CBLL1: variants seen among roughly 807,000 people sequenced by gnomAD.
The protein encoded by CBLL1 is E3 ubiquitin-protein ligase Hakai.
In CBLL1, 4 loss-of-function variants were observed where a neutral mutation model predicts 44.9. The ratio of observed to expected loss-of-function variants is 0.09; its 90% CI spans 0.04 to 0.20. CBLL1 has a LOEUF of 0.20. CBLL1 is among the 10% of genes least tolerant of loss of function. The probability of loss-of-function intolerance (pLI) is 1.00; values close to 1 mark genes in which losing one functional copy is unlikely to be tolerated. For synonymous variants in CBLL1, 235 were observed against 202.2 expected, an observed-to-expected ratio of 1.16 and a Z score of -1.38; for missense variants, 569 against 636.7, an observed-to-expected ratio of 0.89 and a Z score of 1.14.
At position 107,744,280 on chromosome 7, in the gene CBLL1, A is replaced by G. The variant is rs73417978; in HGVS notation, c.13+104A>G. 2.3e-3 allele frequency: 2,929 copies of G among 1,278,452 alleles called. 57 individuals are homozygous for G. The African/African-American group carries it at 0.04, about 18-fold the overall frequency. The allele number at this position is 1,278,452 out of a possible 1,614,324, so 79.2% of individuals were successfully genotyped here. On this transcript the variant is annotated intron_variant, in intron 1 of 5. Transcript: ENST00000440859. ...GGGATTATGCTCGCCCCACAACACTAGGGTGTGGCAGTGAGAAGAAATCTC... is the reference window on the plus strand; with the variant it reads ...GGGATTATGCTCGCCCCACAACACTGGGGTGTGGCAGTGAGAAGAAATCTC...
chr7:107,758,150 G>T lies in CBLL1; in HGVS notation c.448G>T (p.Asp150Tyr). The T allele has an allele frequency of 6.3e-7, 1 of 1,595,814 alleles. No individual in the cohort carries two copies. Among genetic ancestry groups the T allele is most frequent in the South Asian group, 1.1e-5 (1 of 89,610 alleles). Reference protein sequence around the residue: ...KGDKMCPGCSDPVQRIEQCTR... With the variant: ...KGDKMCPGCSYPVQRIEQCTR... ...CTTTCCCTTCTAATTTAGCTGTAGT[G>T]ATCCTGTGCAGCGAATTGAGCAGTG... The change falls in exon 6 of 6, where the codon GAT (aspartate) becomes TAT (tyrosine). Residue 150 changes from aspartate (D) to tyrosine (Y), a missense_variant. Coordinates refer to ENST00000440859, the MANE Select transcript of CBLL1 (RefSeq NM_024814.4). This position sits in a 1 kb window ranked among gnomAD's most constrained non-coding sequence, Gnocchi z 4.2.
At position 107,749,076 on chromosome 7, in the gene CBLL1, C is replaced by G. The variant is rs1233640433; in HGVS notation, c.181+29C>G. 6 of 1,605,676 alleles carry G rather than the reference C, an allele frequency of 3.7e-6. No homozygotes were observed. The African/African-American group carries it at 4.0e-5, about 11-fold the overall frequency. Reference sequence around the variant, plus strand: ...ATTTGTTTAACTAATAGGTCCAACACTCTTTCTGTTTTATCTGATTGCTTC... The same window carrying G: ...ATTTGTTTAACTAATAGGTCCAACAGTCTTTCTGTTTTATCTGATTGCTTC... On this transcript the variant is annotated intron_variant, in intron 2 of 5. Coordinates refer to ENST00000440859, the MANE Select transcript of CBLL1 (RefSeq NM_024814.4).
intron 2 of CBLL1, 120 bp downstream of exon 2, chr7:107,749,167 T>TA (rs1235045434): frequency 2.5e-6 from 2 of 805,152 alleles, no homozygotes; most frequent in Non-Finnish European, 3.7e-6. Context: ...TCTTCAACCT[T>TA]CTTGTTTGAC....
At position 107,744,695 on chromosome 7, in the gene CBLL1, A is replaced by G. The variant is rs1584367210; in HGVS notation, c.13+519A>G. 6 of 156,128 alleles carry G rather than the reference A, an allele frequency of 3.8e-5. No individual in the cohort carries two copies. In the South Asian group the frequency reaches 1.2e-3, roughly 32 times the overall value. The allele number at this position is 156,128 out of a possible 1,614,324, so 9.7% of individuals were successfully genotyped here. A position where few individuals can be genotyped will look rare whatever the true frequency, so the allele number is the denominator to read the frequency against. On this transcript the variant is annotated intron_variant, in intron 1 of 5. Coordinates refer to ENST00000440859, the MANE Select transcript of CBLL1 (RefSeq NM_024814.4). ...GAGGGGTGAAAGAAGGGAGTCTGAT[A>G]GAGTTTTTGGAATCAAACTCGGAGC...
chr7:107,748,426 G>T (rs889025907), intron 1 of CBLL1, among the ~76,000 whole-genome samples: 8 of 152,182 alleles, frequency 5.3e-5, no homozygotes, highest in African/African-American at 1.9e-4. Flanking sequence ...GTATTAGTAA[G>T]TTCAGTTTAC....
At chr7:107,745,009 G>C (rs985369814) in intron 1 of CBLL1, among the ~76,000 whole-genome samples, 3 of 152,292 alleles carry the variant, frequency 2.0e-5, no homozygotes, top group Admixed American at 6.5e-5. Context: ...TCACTCATCA[G>C]ATATCTACTT....
At chr7:107,746,324 A>G (rs1397215080) in intron 1 of CBLL1, among the ~76,000 whole-genome samples, 1 of 152,214 alleles carries the variant, frequency 6.6e-6, no homozygotes, top group Non-Finnish European at 1.5e-5. Flanking sequence ...CTTAACATGA[A>G]AATACTCACG....
At chr7:107,752,996 A>G (rs1263842504) in intron 2 of CBLL1, among the ~76,000 whole-genome samples, 1 of 152,204 alleles carries the variant, frequency 6.6e-6, no homozygotes, top group Non-Finnish European at 1.5e-5. Context: ...TTAGCATACC[A>G]TTTTTGTAGC....
intron 2 of CBLL1, 118 bp from the exon 3 acceptor site, chr7:107,753,293 G>A (rs1056670726): frequency 3.3e-6 from 2 of 613,204 alleles, no homozygotes; most frequent in African/African-American, 2.0e-5. Context: ...TCTTAGAAAA[G>A]CTTTGAAAGG....
At chr7:107,756,310 A>G (rs755009896) in intron 5 of CBLL1, among the ~76,000 whole-genome samples, 3 of 152,178 alleles carry the variant, frequency 2.0e-5, no homozygotes, top group South Asian at 4.1e-4. Flanking sequence ...CTTGTCAGCA[A>G]TGATTCCCTT....
At chr7:107,751,145 C>CG (rs572278248) in intron 2 of CBLL1, among the ~76,000 whole-genome samples, 63 of 152,122 alleles carry the variant, frequency 4.1e-4, no homozygotes, top group African/African-American at 1.5e-3. Flanking sequence ...TGGCAGGGTG[C>CG]GGGGAGTGGT....
rs1793675841 is a variant in CBLL1, at chr7:107,759,396, A to T, written c.*218A>T. The T allele has an allele frequency of 2.4e-6, 1 of 415,136 alleles. No individual in the cohort carries two copies. The highest frequency in any genetic ancestry group is 7.6e-5 in the South Asian group (1 of 13,108). 25.7% of individuals were successfully genotyped at this position (415,136 alleles called of 1,614,324 possible). ...AAGTGGCTCAGTTGAGCACAGCTAT[A>T]TTTTAACATCTCTTTGTTCCCCTAG... On this transcript the variant is annotated 3_prime_UTR_variant, in exon 6 of 6. Transcript: ENST00000440859.
chr7:107,749,250 A>G, intron 2 of CBLL1: 1 of 404,840 alleles, frequency 2.5e-6, no homozygotes. Context: ...TTGTTGTTGA[A>G]AGCAATACTG....
Position 107,749,048 on chromosome 7 carries a change from G to C in CBLL1, c.181+1G>C. On this transcript the variant is annotated splice_donor_variant, in intron 2 of 5. Coordinates refer to ENST00000440859, the MANE Select transcript of CBLL1 (RefSeq NM_024814.4). LOFTEE classifies it high-confidence loss of function. The stretch of plus-strand genomic sequence containing the variant: ...GCAAAGGCTCCACCTGGTGATGAAG[G>C]TAATTTGTTTAACTAATAGGTCCAA... 6.2e-7 allele frequency: 1 copy of C among 1,613,560 alleles called. No individual in the cohort carries two copies. The highest frequency in any genetic ancestry group is 8.5e-7 in the Non-Finnish European group (1 of 1,179,734).
Position 107,748,922 on chromosome 7 carries a change from G to C in CBLL1, c.56G>C (p.Gly19Ala). The change falls in exon 2 of 6, where the codon GGT (glycine) becomes GCT (alanine). Residue 19 changes from glycine (G) to alanine (A), a missense_variant. Gly to Ala is a moderately conservative substitution (Grantham distance 60). Transcript: ENST00000440859. ...ACTAATAGTTCTGGATCCTTGGGTG[G>C]TCTTGATGTTCGCAGACGAATTCCT... Reference protein sequence around the residue: ...QGTNSSGSLGGLDVRRRIPIK... With the variant: ...QGTNSSGSLGALDVRRRIPIK... The C allele has an allele frequency of 6.2e-7, 1 of 1,613,706 alleles. No homozygotes were observed. Among genetic ancestry groups the C allele is most frequent in the South Asian group, 1.1e-5 (1 of 91,012 alleles).
At position 107,755,969 on chromosome 7, in the gene CBLL1, GATAC is replaced by G. The variant is rs772358067; in HGVS notation, c.440+482_440+485del. On this transcript the variant is annotated intron_variant, in intron 5 of 5. Transcript: ENST00000440859. ...TATATATATATAACATATGTACACA[GATAC>G]ATATATATAGTAGCTGGCATATAGT... 5.9e-5 allele frequency among the ~76,000 whole-genome samples: 9 copies of G among 151,976 alleles called. No individual in the cohort carries two copies. In the South Asian group the frequency reaches 1.9e-3, roughly 32 times the overall value.
intron 2 of CBLL1, chr7:107,752,501 TG>T: frequency 9.3e-7 from 1 of 1,079,126 alleles, no homozygotes; most frequent in Non-Finnish European, 1.3e-6. Context: ...TTTAGTCATG[TG>T]GGTAAAGTTA....
At chr7:107,746,470 G>A (rs553445307) in intron 1 of CBLL1, among the ~76,000 whole-genome samples, 1 of 152,162 alleles carries the variant, frequency 6.6e-6, no homozygotes, top group East Asian at 1.9e-4. Flanking sequence ...ATCAAATACT[G>A]TGCACTGATT....
intron 2 of CBLL1, 68 bp from the exon 3 acceptor site, chr7:107,753,343 T>C (rs888685033): frequency 2.1e-5 from 21 of 1,009,166 alleles, no homozygotes; most frequent in Non-Finnish European, 2.4e-5. Flanking sequence ...TATTTTGCCA[T>C]GTATATGTGC....
Sources: gnomAD v4.1 joint callset for allele counts (sites outside exome capture counted in the v4.1 genomes callset) on GRCh38, gnomAD v4.1.1 for gene constraint, Gnocchi (gnomAD v3.1) non-coding constraint, MANE v1.5 for transcripts, NCBI Gene and HGNC (gene_info 2026-07-23, HGNC 2026-07-21) for gene names.